The following DAB1 variants were observed in gnomAD, a reference collection of about 807,000 sequenced individuals.
The protein encoded by DAB1 is disabled homolog 1.
DAB1 carries 15 observed loss-of-function variants against 64.6 expected under a neutral mutation model. The observed-to-expected ratio is 0.23, with a 90% confidence interval of 0.16 to 0.36. DAB1 has a LOEUF of 0.36. Among genes scored for constraint, DAB1 ranks in the 10% least tolerant of loss-of-function variants. The pLI, the probability that DAB1 is intolerant of heterozygous loss-of-function variation, is 1.00. For missense variants in DAB1, 596 were observed against 706.7 expected (o/e 0.84, Z 1.78); for synonymous variants, 235 against 251.9 (o/e 0.93, Z 0.64).
chr1:58,542,508 A>G (rs1463109918), intron 1 of DAB1: 3 of 152,232 alleles, frequency 2.0e-5, no homozygotes, highest in Non-Finnish European at 2.9e-5. Flanking sequence ...AAAGACATCC[A>G]TGAGTAGCTG....
intron 6 of DAB1, among the ~76,000 whole-genome samples, chr1:57,772,573 T>C (rs1649610726): frequency 6.6e-6 from 1 of 151,782 alleles, no homozygotes; most frequent in Admixed American, 6.6e-5. Context: ...AGGGTGACAG[T>C]ATGTTTAACT....
intron 4 of DAB1, among the ~76,000 whole-genome samples, chr1:58,241,179 TAA>T (rs1354758937): frequency 6.6e-6 from 1 of 152,180 alleles, no homozygotes; most frequent in Non-Finnish European, 1.5e-5. Flanking sequence ...CATACTCTTT[TAA>T]AAAGCAGAAA....
intron 3 of DAB1, among the ~76,000 whole-genome samples, chr1:58,442,066 G>A (rs550401248): frequency 2.0e-5 from 3 of 152,326 alleles, no homozygotes; most frequent in East Asian, 1.9e-4. Flanking sequence ...TAAGCGGTTT[G>A]TAAATAGGGC....
At chr1:57,620,632 A>C (rs911221923) in intron 7 of DAB1, among the ~76,000 whole-genome samples, 7 of 152,240 alleles carry the variant, frequency 4.6e-5, no homozygotes, top group African/African-American at 1.4e-4. Context: ...CATGTGGCAC[A>C]GTGCCAGGCA....
At chr1:58,409,788 T>C (rs530690636) in intron 3 of DAB1, among the ~76,000 whole-genome samples, 1 of 152,334 alleles carries the variant, frequency 6.6e-6, no homozygotes, top group East Asian at 1.9e-4. Context: ...CCAAGGACAC[T>C]GAGCACTGGC....
intron 5 of DAB1, among the ~76,000 whole-genome samples, chr1:57,913,268 A>C (rs1644675552): frequency 6.6e-6 from 1 of 152,168 alleles, no homozygotes; most frequent in Non-Finnish European, 1.5e-5. Context: ...GGAACAGAAC[A>C]GAGCCCTCAG....
At position 58,009,727 on chromosome 1, in the gene DAB1, C is replaced by T. The variant is rs531059554; in HGVS notation, n.388-125565G>A. Among the ~76,000 whole-genome samples the T allele has an allele frequency of 5.9e-5, 9 of 152,204 alleles. No homozygotes were observed. The South Asian group carries it at 1.9e-3, about 32-fold the overall frequency. Reference sequence around the variant, plus strand: ...GTGTTCTACTTATCTCTGACACCACCATAGTGGAATATTTCCAGGAAACTC... The same window carrying T: ...GTGTTCTACTTATCTCTGACACCACTATAGTGGAATATTTCCAGGAAACTC... On this transcript the variant is annotated intron_variant and non_coding_transcript_variant, in intron 5 of 20. Coordinates refer to the DAB1 transcript ENST00000485760.
chr1:57,920,729 G>T (rs1437949137), intron 5 of DAB1, among the ~76,000 whole-genome samples: 1 of 152,126 alleles, frequency 6.6e-6, no homozygotes, highest in Non-Finnish European at 1.5e-5. Context: ...TAAAATAATA[G>T]ATAGCAAGGC....
At position 57,709,912 on chromosome 1, in the gene DAB1, C is replaced by T. The variant is rs569197767; in HGVS notation, n.552-60247G>A. ...TCCAGGTAGCCCCTTTTTATTGGCACGGCTGCTGGCATTCACCCATGCAAG... is the reference window on the plus strand; with the variant it reads ...TCCAGGTAGCCCCTTTTTATTGGCATGGCTGCTGGCATTCACCCATGCAAG... On this transcript the variant is annotated intron_variant and non_coding_transcript_variant, in intron 6 of 20. Coordinates refer to the DAB1 transcript ENST00000485760. Among the ~76,000 whole-genome samples the T allele has an allele frequency of 9.2e-5, 14 of 152,228 alleles. No homozygotes were observed. In the South Asian group the frequency reaches 2.1e-3, roughly 23 times the overall value.
chr1:57,017,922 G>C (rs1446017973), intron 11 of DAB1, among the ~76,000 whole-genome samples: 1 of 152,096 alleles, frequency 6.6e-6, no homozygotes, highest in Non-Finnish European at 1.5e-5. Context: ...GCCCCCTAGG[G>C]GTGGCTAGAA....
chr1:58,497,700 G>T (rs925510261), intron 3 of DAB1, among the ~76,000 whole-genome samples: 4 of 152,150 alleles, frequency 2.6e-5, no homozygotes, highest in African/African-American at 4.8e-5. Context: ...CTCTGTACCA[G>T]AAAGAGAAGG....
At chr1:58,137,246 T>C (rs6688878) in intron 5 of DAB1, among the ~76,000 whole-genome samples, 10,750 of 152,310 alleles carry the variant, frequency 0.071, 438 homozygotes, top group Admixed American at 0.088. Context: ...TCCGTTGTTT[T>C]ACACTAAGAA....
intron 4 of DAB1, among the ~76,000 whole-genome samples, chr1:58,337,988 C>CTATATA (rs10674883): frequency 0.38 from 56,373 of 149,382 alleles, 10,672 homozygotes; most frequent in African/African-American, 0.45. Flanking sequence ...GTTTTTTCCA[C>CTATATA]TATATATATA....
chr1:57,808,164 CTTTCTT>C (rs1651453257), intron 6 of DAB1, among the ~76,000 whole-genome samples: 1 of 148,354 alleles, frequency 6.7e-6, no homozygotes, highest in South Asian at 2.2e-4. Flanking sequence ...CTCCCTTTCT[CTTTCTT>C]TTTCTCTCTC....
chr1:58,228,368 G>A (rs183359480), intron 4 of DAB1, among the ~76,000 whole-genome samples: 3 of 152,094 alleles, frequency 2.0e-5, no homozygotes, highest in Non-Finnish European at 2.9e-5. Flanking sequence ...TTGCTTTTTG[G>A]GGGGGTAAGG....
chr1:58,365,793 C>T (rs1010564142), intron 3 of DAB1, among the ~76,000 whole-genome samples: 8 of 152,170 alleles, frequency 5.3e-5, no homozygotes, highest in Admixed American at 1.3e-4. Context: ...TAACTCTATA[C>T]TTGCACAAAA....
At chr1:57,495,660 G>A (rs1490857172) in intron 7 of DAB1, among the ~76,000 whole-genome samples, 1 of 152,164 alleles carries the variant, frequency 6.6e-6, no homozygotes, top group Non-Finnish European at 1.5e-5. Flanking sequence ...GAATAAATAT[G>A]TATGCCAGTG....
chr1:57,624,275 T>C (rs1475142127), intron 7 of DAB1, among the ~76,000 whole-genome samples: 1 of 152,250 alleles, frequency 6.6e-6, no homozygotes, highest in African/African-American at 2.4e-5. Flanking sequence ...AAGAACACTT[T>C]GGTTTGCAGG....
intron 4 of DAB1, among the ~76,000 whole-genome samples, chr1:58,324,264 C>T (rs12048304): frequency 0.046 from 7,020 of 152,258 alleles, 390 homozygotes; most frequent in East Asian, 0.24. Flanking sequence ...AGTAGATGTT[C>T]AGTAAAGGAT....
Sources: allele counts gnomAD v4.1 joint callset (sites outside exome capture counted in the v4.1 genomes callset), GRCh38; gene constraint gnomAD v4.1.1; transcripts MANE v1.5; gene names NCBI Gene and HGNC (gene_info 2026-07-23, HGNC 2026-07-21).